Variants in WDR62 observed in about 807,000 individuals in gnomAD.
WDR62 encodes WD repeat domain 62, also known as WD repeat-containing protein 62.
WDR62 carries 112 observed loss-of-function variants against 160.6 expected under a neutral mutation model. That is an observed-to-expected ratio of 0.70 (90% CI 0.60 to 0.82). The LOEUF is 0.82. Among genes scored for constraint, WDR62 ranks in the 40% least tolerant of loss-of-function variants. The pLI, the probability that WDR62 is intolerant of heterozygous loss-of-function variation, is 0.00. For synonymous variants in WDR62, 792 were observed against 815.1 expected (o/e 0.97, Z 0.48); for missense variants, 1,819 against 1,983.8 (o/e 0.92, Z 1.58).
chr19:36,057,111 C>T (rs1292203705), intron 1 of WDR62, among the ~76,000 whole-genome samples: 2 of 152,012 alleles, frequency 1.3e-5, no homozygotes, highest in Non-Finnish European at 2.9e-5. Flanking sequence ...TACTGTGCCC[C>T]GCCAAGTTAT....
chr19:36,097,199 C>A, intron 21 of WDR62, 120 bp downstream of exon 21: 1 of 957,062 alleles, frequency 1.0e-6, no homozygotes, highest in Non-Finnish European at 1.6e-6. Flanking sequence ...GCCCTGTCAT[C>A]CTTCCAGGCT....
chr19:36,094,736 A>T (rs78242874), intron 20 of WDR62, among the ~76,000 whole-genome samples: 12,287 of 151,770 alleles, frequency 0.081, 524 homozygotes, highest in South Asian at 0.094. Flanking sequence ...CAAAAAAAAA[A>T]TTTTTTAAAG....
intron 9 of WDR62, among the ~76,000 whole-genome samples, chr19:36,079,839 G>A (rs1004436529): frequency 3.3e-5 from 5 of 152,118 alleles, no homozygotes; most frequent in African/African-American, 1.2e-4. Context: ...GGAGTATTTT[G>A]TCACTGAGTT....
chr19:36,102,721 C>A lies in WDR62; in HGVS notation c.3221-16C>A, dbSNP rs368050252. On this transcript the variant is annotated splice_polypyrimidine_tract_variant and intron_variant, in intron 26 of 31. Coordinates refer to ENST00000401500, the MANE Select transcript of WDR62 (RefSeq NM_001083961.2). ...GCGGGAAGGGTTATGAGGGTCCCCT[C>A]GGGATCTTCCCCTAGAGCTCTTCCC... is the stretch of plus-strand genomic sequence containing the variant. The A allele has an allele frequency of 1.2e-6, 2 of 1,612,458 alleles. No individual in the cohort carries two copies. The highest frequency in any genetic ancestry group is 2.2e-5 in the South Asian group (2 of 91,032).
At chr19:36,108,560 A>G (rs1418728149), downstream of WDR62, among the ~76,000 whole-genome samples, 4 of 142,856 alleles carry the variant, frequency 2.8e-5, no homozygotes, top group African/African-American at 1.2e-4. Context: ...TGCCCAGAGG[A>G]GGGATTCCTC....
At chr19:36,066,117 C>T in intron 4 of WDR62, 102 bp downstream of exon 4, 11 of 1,579,974 alleles carry the variant, frequency 7.0e-6, no homozygotes, top group Non-Finnish European at 9.6e-6. Context: ...ATAGCTCCTT[C>T]CTGGGCCAGA....
intron 7 of WDR62, among the ~76,000 whole-genome samples, chr19:36,071,333 G>GT (rs1348931334): frequency 6.6e-6 from 1 of 152,132 alleles, no homozygotes; most frequent in Non-Finnish European, 1.5e-5. Context: ...TGACAATTCT[G>GT]TTTCCGTTCA....
chr19:36,055,742 C>T (rs573759951), intron 1 of WDR62, among the ~76,000 whole-genome samples: 1 of 152,282 alleles, frequency 6.6e-6, no homozygotes, highest in South Asian at 2.1e-4. Context: ...TTCCCTAAAT[C>T]CTGAGACAGA....
intron 15 of WDR62, among the ~76,000 whole-genome samples, chr19:36,089,733 C>T (rs1015252483): frequency 3.9e-5 from 6 of 152,226 alleles, no homozygotes; most frequent in Admixed American, 6.5e-5. Flanking sequence ...CGTGAGCCAC[C>T]GTGCCCGGCC....
intron 19 of WDR62, 113 bp from the exon 20 acceptor site, chr19:36,093,918 C>T (rs117317026): frequency 3.8e-6 from 5 of 1,329,636 alleles, no homozygotes; most frequent in Non-Finnish European, 5.4e-6. Context: ...TCTTGACCAG[C>T]AGCCAAGAAT....
rs578143598 is a variant in WDR62, at chr19:36,078,846, A to C, written c.1234-2587A>C. Reference sequence around the variant, plus strand: ...GCGAGACTCTGTCAAAAAAAAAAAAAAAAACAAAGTAAGTTATAGTTTTTA... The same window carrying C: ...GCGAGACTCTGTCAAAAAAAAAAAACAAAACAAAGTAAGTTATAGTTTTTA... On this transcript the variant is annotated intron_variant, in intron 9 of 31. Coordinates refer to ENST00000401500, the MANE Select transcript of WDR62 (RefSeq NM_001083961.2). Among the ~76,000 whole-genome samples, 334 of 151,446 alleles carry C rather than the reference A, an allele frequency of 2.2e-3. 4 individuals carry two copies. The highest frequency in any genetic ancestry group is 0.016 in the South Asian group (79 of 4,816).
In WDR62 at chr19:36,104,612, G is replaced by A. The variant is rs1284173393; in HGVS notation, c.4248G>A (p.Arg1416=). ...CCCCATCTCCCCTTGAGCTGAGCAG[G>A]GTGGGGAACATCTTGCACAGGCTGC... is the stretch of plus-strand genomic sequence containing the variant. ...ALPPSPLELS[R]VGNILHRLQT... The change falls in exon 31 of 32, where the codon AGG becomes AGA. Residue 1416 remains arginine (R), a synonymous_variant. Transcript: ENST00000401500. 1.2e-6 allele frequency: 2 copies of A among 1,614,096 alleles called. No homozygotes were observed. Among genetic ancestry groups the A allele is most frequent in the Non-Finnish European group, 1.7e-6 (2 of 1,180,038 alleles).
At chr19:36,089,359 G>T in intron 15 of WDR62, 53 bp downstream of exon 15, 1 of 1,613,982 alleles carries the variant, frequency 6.2e-7, no homozygotes, top group South Asian at 1.1e-5. Flanking sequence ...GTCCTAGGCT[G>T]TCTGCTTTCC....
At chr19:36,101,371 C>G in intron 24 of WDR62, 54 bp downstream of exon 24, 2 of 1,469,544 alleles carry the variant, frequency 1.4e-6, no homozygotes, top group Non-Finnish European at 1.9e-6. Context: ...CAGCCAAGCC[C>G]CTTTCTGGGC....
At chr19:36,110,181 C>T in the WDR62 span, among the ~76,000 whole-genome samples, 19 of 150,500 alleles carry the variant, frequency 1.3e-4, no homozygotes, top group African/African-American at 3.9e-4. Context: ...GTCAAGAGAC[C>T]CCCTTTGGGC....
chr19:36,069,069 CG>C (rs1004675123), intron 7 of WDR62, among the ~76,000 whole-genome samples: 1 of 146,632 alleles, frequency 6.8e-6, no homozygotes, highest in African/African-American at 2.6e-5. Context: ...GCTGGCCGGG[CG>C]GGGGCTAACC....
intron 20 of WDR62, among the ~76,000 whole-genome samples, chr19:36,096,028 C>T (rs2145821558): frequency 6.6e-6 from 1 of 152,318 alleles, no homozygotes; most frequent in Non-Finnish European, 1.5e-5. Context: ...AATGTGAGGA[C>T]TTCTCCAGGA....
In WDR62 at chr19:36,067,297, T is replaced by G; in HGVS notation, c.562-9T>G. 6.2e-7 allele frequency: 1 copy of G among 1,614,172 alleles called. No individual in the cohort carries two copies. Among genetic ancestry groups the G allele is most frequent in the South Asian group, 1.1e-5 (1 of 91,086 alleles). On this transcript the variant is annotated splice_polypyrimidine_tract_variant and intron_variant, in intron 5 of 31. Coordinates refer to ENST00000401500, the MANE Select transcript of WDR62 (RefSeq NM_001083961.2). ...GCTGGCATGAGCTTCTCTGCACTTA[T>G]TCTTCCAGAAAGACATCGTAGTGGC...
At chr19:36,100,161 G>T (rs1399741684) in intron 22 of WDR62, among the ~76,000 whole-genome samples, 2 of 152,184 alleles carry the variant, frequency 1.3e-5, no homozygotes, top group African/African-American at 2.4e-5. Flanking sequence ...TTCTGCCCCA[G>T]AGGGCTTTTA....
Sources: gnomAD v4.1 joint callset for allele counts (sites outside exome capture counted in the v4.1 genomes callset) on GRCh38, gnomAD v4.1.1 for gene constraint, MANE v1.5 for transcripts, NCBI Gene and HGNC (gene_info 2026-07-23, HGNC 2026-07-21) for gene names.